Variants in REC114 observed in about 807,000 individuals in gnomAD.
REC114 encodes meiotic recombination protein REC114.
Under a neutral mutation model 31.3 loss-of-function variants are expected in REC114, and 27 were observed. The observed-to-expected ratio is 0.86, with a 90% CI of 0.64 to 1.19. The LOEUF is 1.19. Among genes scored for constraint, REC114 ranks in the 50% most tolerant of loss-of-function variants. REC114 has a pLI of 0.00. For missense variants in REC114, 344 were observed against 326.9 expected (o/e 1.05, Z -0.40); for synonymous variants, 134 against 127.7 (o/e 1.05, Z -0.33).
chr15:73,539,495 A>G (rs1424696768), intron 2 of REC114, among the ~76,000 whole-genome samples: 1 of 146,546 alleles, frequency 6.8e-6, no homozygotes, highest in African/African-American at 2.5e-5. Context: ...GAAAGCATCA[A>G]AGAATTAACC....
intron 1 of REC114, among the ~76,000 whole-genome samples, chr15:73,462,884 C>CA (rs769569268): frequency 0.085 from 4,573 of 53,908 alleles, 178 homozygotes; most frequent in Non-Finnish European, 0.098. Flanking sequence ...GACTCCGTCT[C>CA]AAAAAAAAAA....
At chr15:73,468,098 A>G (rs2076380851) in intron 1 of REC114, among the ~76,000 whole-genome samples, 1 of 152,212 alleles carries the variant, frequency 6.6e-6, no homozygotes, top group South Asian at 2.1e-4. Flanking sequence ...ATTTTAACTT[A>G]ATCACATATG....
At chr15:73,513,937 G>T (rs1478253048) in intron 2 of REC114, among the ~76,000 whole-genome samples, 1 of 152,058 alleles carries the variant, frequency 6.6e-6, no homozygotes, top group Non-Finnish European at 1.5e-5. Flanking sequence ...AGCCTACAGT[G>T]GCAGGCAGGC....
At chr15:73,514,010 A>G (rs1044951356) in intron 2 of REC114, among the ~76,000 whole-genome samples, 1 of 152,066 alleles carries the variant, frequency 6.6e-6, no homozygotes, top group Non-Finnish European at 1.5e-5. Context: ...TTACCTAAGC[A>G]AGCCTGGGCA....
chr15:73,466,604 A>G (rs1893063864), intron 1 of REC114, among the ~76,000 whole-genome samples: 1 of 152,144 alleles, frequency 6.6e-6, no homozygotes, highest in South Asian at 2.1e-4. Context: ...AAAAGGTACA[A>G]TTTACGCAAC....
intron 1 of REC114, among the ~76,000 whole-genome samples, chr15:73,452,646 G>A (rs186540232): frequency 2.1e-4 from 32 of 152,182 alleles, no homozygotes; most frequent in African/African-American, 7.7e-4. Flanking sequence ...TAAATTTCAT[G>A]TGGAACCAAA....
chr15:73,518,220 C>A (rs1306735230), intron 2 of REC114, among the ~76,000 whole-genome samples: 2 of 152,160 alleles, frequency 1.3e-5, no homozygotes, highest in Admixed American at 1.3e-4. Context: ...ATAACAGAAA[C>A]CCAACTCAGG....
At chr15:73,528,795 G>A (rs1344340538) in intron 2 of REC114, among the ~76,000 whole-genome samples, 1 of 152,140 alleles carries the variant, frequency 6.6e-6, no homozygotes, top group African/African-American at 2.4e-5. Context: ...CAATCAAAAT[G>A]CCAAAATATT....
chr15:73,538,453 T>G (rs994170148), intron 2 of REC114, among the ~76,000 whole-genome samples: 1 of 106,998 alleles, frequency 9.3e-6, no homozygotes, highest in African/African-American at 2.8e-5. Context: ...CAAATTCTAT[T>G]TCTTTTTTTT....
Position 73,559,950 on chromosome 15 carries a change from A to T in REC114, c.*34A>T. On this transcript the variant is annotated 3_prime_UTR_variant, in exon 6 of 6. Transcript: ENST00000331090. ...ATACATATATAACTAAGGAACTTCA[A>T]AGTATTGAAAAATGCTTCCTCCTAA... 1 of 1,514,138 alleles carries T rather than the reference A, an allele frequency of 6.6e-7. No individual in the cohort carries two copies. 93.8% of individuals were successfully genotyped at this position (1,514,138 alleles called of 1,614,324 possible). A position where few individuals can be genotyped will look rare whatever the true frequency, so the allele number is the denominator to read the frequency against.
chr15:73,446,090 A>T (rs1019342447), intron 1 of REC114, among the ~76,000 whole-genome samples: 2 of 152,332 alleles, frequency 1.3e-5, no homozygotes, highest in Non-Finnish European at 2.9e-5. Context: ...GCATAAGCTA[A>T]TACATGTCAA....
intron 2 of REC114, among the ~76,000 whole-genome samples, chr15:73,506,576 A>G (rs1370698050): frequency 6.6e-6 from 1 of 152,322 alleles, no homozygotes; most frequent in East Asian, 1.9e-4. Context: ...CAATGTAAAT[A>G]TGCTTGGTTT....
chr15:73,460,611 C>G (rs1360662418), intron 1 of REC114, among the ~76,000 whole-genome samples: 1 of 152,046 alleles, frequency 6.6e-6, no homozygotes, highest in African/African-American at 2.4e-5. Flanking sequence ...TATGAAGATA[C>G]CAAAGGTGAG....
intron 3 of REC114, 140 bp downstream of exon 3, chr15:73,540,708 C>A: frequency 1.3e-6 from 1 of 757,892 alleles, no homozygotes; most frequent in Non-Finnish European, 2.3e-6. Context: ...ATGAGAAAAA[C>A]ATGAAACAAG....
intron 1 of REC114, among the ~76,000 whole-genome samples, chr15:73,465,048 C>T (rs187534708): frequency 5.2e-4 from 79 of 152,222 alleles, no homozygotes; most frequent in African/African-American, 1.8e-3. Context: ...CCCACCACCA[C>T]GCCCAGCTAA....
At chr15:73,547,876 C>A (rs768506446) in intron 3 of REC114, among the ~76,000 whole-genome samples, 4 of 152,126 alleles carry the variant, frequency 2.6e-5, no homozygotes, top group Non-Finnish European at 4.4e-5. Context: ...GCAAAGATTT[C>A]GTGACAAAGA....
intron 4 of REC114, among the ~76,000 whole-genome samples, chr15:73,551,382 A>C (rs1251343456): frequency 6.6e-6 from 1 of 152,214 alleles, no homozygotes; most frequent in Non-Finnish European, 1.5e-5. Flanking sequence ...AGTGGTTCTC[A>C]AAGTGTGGTC....
chr15:73,448,233 A>ACC (rs920039630), intron 1 of REC114, among the ~76,000 whole-genome samples: 1 of 152,116 alleles, frequency 6.6e-6, no homozygotes, highest in African/African-American at 2.4e-5. Flanking sequence ...GAGCCCAGCA[A>ACC]CCTAAGATCC....
intron 1 of REC114, among the ~76,000 whole-genome samples, chr15:73,463,698 G>T (rs1893019651): frequency 6.6e-6 from 1 of 152,056 alleles, no homozygotes. Flanking sequence ...GCGCATGCCT[G>T]TAGTCCCAGC....
Sources: allele counts gnomAD v4.1 joint callset (sites outside exome capture counted in the v4.1 genomes callset), GRCh38; gene constraint gnomAD v4.1.1; transcripts MANE v1.5; gene names NCBI Gene and HGNC (gene_info 2026-07-23, HGNC 2026-07-21).